The following SRPK2 variants were observed in gnomAD, a reference collection of about 807,000 sequenced individuals.
SRPK2 encodes SFRS protein kinase 2.
Under a neutral mutation model 90.8 loss-of-function variants are expected in SRPK2, and 21 were observed. The observed-to-expected ratio is 0.23, with a 90% CI of 0.16 to 0.33. The LOEUF (loss-of-function observed/expected upper bound fraction) is 0.33, where lower values mean the gene tolerates loss of function less well. SRPK2 is among the 10% of genes least tolerant of loss of function. SRPK2 has a pLI of 1.00. For missense variants in SRPK2, 620 were observed against 869.0 expected (o/e 0.71, Z 3.60); for synonymous variants, 288 against 311.1 (o/e 0.93, Z 0.78).
intron 2 of SRPK2, among the ~76,000 whole-genome samples, chr7:105,377,387 TAG>T (rs1820423671): frequency 6.6e-6 from 1 of 151,720 alleles, no homozygotes; most frequent in Non-Finnish European, 1.5e-5. Context: ...GGAATTTATA[TAG>T]AGACCTCAAA....
chr7:105,389,050 C>G (rs1177048434), upstream of SRPK2: 1 of 968,436 alleles, frequency 1.0e-6, no homozygotes, highest in Non-Finnish European at 1.2e-6. Context: ...CCCAGCGCCC[C>G]GCGCCCCCGC....
intron 2 of SRPK2, among the ~76,000 whole-genome samples, chr7:105,302,671 T>C (rs551357003): frequency 6.6e-6 from 1 of 152,258 alleles, no homozygotes; most frequent in East Asian, 1.9e-4. Context: ...TTAATATCTA[T>C]TTATATTTTT....
chr7:105,357,423 G>C (rs1439594211), intron 2 of SRPK2, among the ~76,000 whole-genome samples: 1 of 152,064 alleles, frequency 6.6e-6, no homozygotes, highest in African/African-American at 2.4e-5. Flanking sequence ...CTTTATTTTA[G>C]TTTGAAATTA....
chr7:105,366,616 G>T lies in SRPK2; in HGVS notation c.71+22032C>A, dbSNP rs140106543. Among the ~76,000 whole-genome samples, 427 of 151,614 alleles carry T rather than the reference G, an allele frequency of 2.8e-3. 10 individuals are homozygous for T. In the East Asian group the frequency reaches 0.056, roughly 20 times the overall value. ...AAACTCCTGACCTCGTGATCCGCCCGCCTCAGCCTCCCAAAGTGCTGGGAT... is the reference window on the plus strand; with the variant it reads ...AAACTCCTGACCTCGTGATCCGCCCTCCTCAGCCTCCCAAAGTGCTGGGAT... On this transcript the variant is annotated intron_variant, in intron 2 of 15. Transcript: ENST00000393651.
chr7:105,381,216 T>C lies in SRPK2; in HGVS notation c.71+7432A>G, dbSNP rs118117219. 4.8e-3 allele frequency among the ~76,000 whole-genome samples: 731 copies of C among 151,886 alleles called. 11 individuals carry two copies. In the East Asian group the frequency reaches 0.055, roughly 11 times the overall value. On this transcript the variant is annotated intron_variant, in intron 2 of 15. Coordinates refer to ENST00000393651, the MANE Select transcript of SRPK2 (RefSeq NM_182692.3). Reference sequence around the variant, plus strand: ...CCAAGATCATGCCACTGCATTCCTGTCTGGGTGACAGAGCAAGACTGCCTC... The same window carrying C: ...CCAAGATCATGCCACTGCATTCCTGCCTGGGTGACAGAGCAAGACTGCCTC...
chr7:105,278,321 A>G (rs1430225367), intron 2 of SRPK2, among the ~76,000 whole-genome samples: 2 of 151,300 alleles, frequency 1.3e-5, no homozygotes, highest in African/African-American at 4.9e-5. Context: ...TCTCAAAAAA[A>G]AAAAAAAAAA....
chr7:105,287,257 T>A, intron 2 of SRPK2, among the ~76,000 whole-genome samples: 1 of 55,040 alleles, frequency 1.8e-5, no homozygotes, highest in African/African-American at 8.4e-5. Context: ...CGAGACTCCG[T>A]CTAAAAAAAA....
chr7:105,146,996 C>G (rs1279142416), intron 7 of SRPK2, among the ~76,000 whole-genome samples: 1 of 152,184 alleles, frequency 6.6e-6, no homozygotes, highest in Admixed American at 6.5e-5. Flanking sequence ...GCAAGACCAA[C>G]CCCTCAGCCT....
At chr7:105,346,427 G>A (rs1816463602) in intron 2 of SRPK2, among the ~76,000 whole-genome samples, 1 of 152,024 alleles carries the variant, frequency 6.6e-6, no homozygotes, top group Admixed American at 6.6e-5. Context: ...ACTGTTATAT[G>A]AAGGTCAATA....
intron 2 of SRPK2, among the ~76,000 whole-genome samples, chr7:105,375,279 A>C (rs1387328428): frequency 1.3e-5 from 2 of 152,200 alleles, no homozygotes; most frequent in African/African-American, 4.8e-5. Context: ...TAGGGACTTG[A>C]AAATATCATC....
chr7:105,233,155 A>AAGGGGG, intron 2 of SRPK2, among the ~76,000 whole-genome samples: 1 of 117,864 alleles, frequency 8.5e-6, no homozygotes, highest in African/African-American at 3.1e-5. Context: ...AAGGAAGGGG[A>AAGGGGG]AAGGGAAGGA....
At chr7:105,280,947 C>CAAAAAAA (rs1158350206) in intron 2 of SRPK2, among the ~76,000 whole-genome samples, 11 of 43,326 alleles carry the variant, frequency 2.5e-4, no homozygotes, top group Non-Finnish European at 3.3e-4. Flanking sequence ...GACTCCATCT[C>CAAAAAAA]AAAAAAAAAA....
At chr7:105,205,798 C>G in intron 2 of SRPK2, 3 of 397,620 alleles carry the variant, frequency 7.5e-6, no homozygotes, top group Non-Finnish European at 1.5e-5. Context: ...AAAAGAAGCA[C>G]AACCCACTCT....
chr7:105,241,551 A>G (rs770378905), intron 2 of SRPK2, among the ~76,000 whole-genome samples: 12 of 152,202 alleles, frequency 7.9e-5, no homozygotes, highest in African/African-American at 1.4e-4. Context: ...TCTTTATTAT[A>G]AGGATAAGGA....
At chr7:105,298,421 TAAAAA>T (rs1810122654) in intron 2 of SRPK2, among the ~76,000 whole-genome samples, 1 of 152,186 alleles carries the variant, frequency 6.6e-6, no homozygotes, top group Non-Finnish European at 1.5e-5. Flanking sequence ...TCTTAACTGT[TAAAAA>T]AGAAATGCTG....
intron 2 of SRPK2, among the ~76,000 whole-genome samples, chr7:105,236,748 A>C (rs796374547): frequency 1.4e-4 from 22 of 152,330 alleles, no homozygotes; most frequent in African/African-American, 5.3e-4. Context: ...AACCAACAAC[A>C]GGAGCAAAGA....
intron 2 of SRPK2, among the ~76,000 whole-genome samples, chr7:105,264,388 T>C (rs1210601176): frequency 6.6e-6 from 1 of 152,184 alleles, no homozygotes; most frequent in Non-Finnish European, 1.5e-5. Context: ...CCTTATGGAT[T>C]TGAAATACCC....
At chr7:105,116,068 C>G (rs550941471), downstream of SRPK2, among the ~76,000 whole-genome samples, 1 of 152,102 alleles carries the variant, frequency 6.6e-6, no homozygotes, top group Non-Finnish European at 1.5e-5. Flanking sequence ...GTCTTGTTTC[C>G]TAACAGCAAA....
At chr7:105,233,274 T>A (rs1347869302) in intron 2 of SRPK2, among the ~76,000 whole-genome samples, 1 of 152,098 alleles carries the variant, frequency 6.6e-6, no homozygotes, top group African/African-American at 2.4e-5. Flanking sequence ...AACTAAGCAG[T>A]TGACAAGAGA....
Sources: gnomAD v4.1 joint callset for allele counts (sites outside exome capture counted in the v4.1 genomes callset) on GRCh38, gnomAD v4.1.1 for gene constraint, MANE v1.5 for transcripts, NCBI Gene and HGNC (gene_info 2026-07-23, HGNC 2026-07-21) for gene names.